RABGAP1L: variants seen among roughly 807,000 people sequenced by gnomAD.
The protein encoded by RABGAP1L is RAB GTPase activating protein 1 like, also known as rab GTPase-activating protein 1-like.
A neutral mutation model predicts 137.7 loss-of-function variants in RABGAP1L; 63 were observed. That is an observed-to-expected ratio of 0.46 (90% CI 0.37 to 0.56). The LOEUF (loss-of-function observed/expected upper bound fraction) is 0.56, where lower values mean the gene tolerates loss of function less well. Among genes scored for constraint, RABGAP1L ranks in the 20% least tolerant of loss-of-function variants. The probability of loss-of-function intolerance (pLI) is 0.00; values close to 1 mark genes in which losing one functional copy is unlikely to be tolerated. For synonymous variants in RABGAP1L, 431 were observed against 433.7 expected, an observed-to-expected ratio of 0.99 and a Z score of 0.08; for missense variants, 1,095 against 1,244.0, an observed-to-expected ratio of 0.88 and a Z score of 1.80.
At chr1:174,744,220 C>G (rs1054539208) in intron 17 of RABGAP1L, among the ~76,000 whole-genome samples, 1 of 151,622 alleles carries the variant, frequency 6.6e-6, no homozygotes, top group Non-Finnish European at 1.5e-5. Context: ...GCACCATTAG[C>G]CAACCTAAAA....
At chr1:174,546,434 A>G (rs1666015161) in intron 13 of RABGAP1L, among the ~76,000 whole-genome samples, 1 of 152,224 alleles carries the variant, frequency 6.6e-6, no homozygotes, top group African/African-American at 2.4e-5. Context: ...GCTCTAGAGA[A>G]TGGCTGTATT....
intron 13 of RABGAP1L, among the ~76,000 whole-genome samples, chr1:174,586,279 A>G (rs918672745): frequency 7.9e-5 from 10 of 126,518 alleles, no homozygotes; most frequent in African/African-American, 2.5e-4. Flanking sequence ...CAGGAACAGA[A>G]AACCAAACAC....
chr1:174,804,281 G>GTTTTTTTTTTTTTTTTTTTTTTTT (rs778667940), intron 18 of RABGAP1L, among the ~76,000 whole-genome samples: 1 of 139,288 alleles, frequency 7.2e-6, no homozygotes, highest in Non-Finnish European at 1.6e-5. Context: ...TTTGTTTTTT[G>GTTTTTTTTTTTTTTTTTTTTTTTT]TTTTTTTTTT....
chr1:174,607,068 A>C (rs1257616780), intron 13 of RABGAP1L, among the ~76,000 whole-genome samples: 1 of 152,090 alleles, frequency 6.6e-6, no homozygotes, highest in Non-Finnish European at 1.5e-5. Flanking sequence ...CAAGACACCC[A>C]CTTACATTTT....
chr1:174,936,886 T>C (rs1664881551), intron 19 of RABGAP1L, among the ~76,000 whole-genome samples: 1 of 151,944 alleles, frequency 6.6e-6, no homozygotes, highest in South Asian at 2.1e-4. Flanking sequence ...ATAAGTGACA[T>C]TTGAAAAAAT....
intron 11 of RABGAP1L, among the ~76,000 whole-genome samples, chr1:174,311,403 A>C (rs1233783969): frequency 1.3e-5 from 2 of 152,138 alleles, no homozygotes; most frequent in African/African-American, 4.8e-5. Context: ...TGGGGACTAC[A>C]ATTCAAGATG....
intron 11 of RABGAP1L, among the ~76,000 whole-genome samples, chr1:174,318,304 T>C (rs1027693410): frequency 6.6e-6 from 1 of 152,184 alleles, no homozygotes; most frequent in African/African-American, 2.4e-5. Context: ...TAGCTACTCC[T>C]GCTCTGCTTT....
In RABGAP1L at chr1:174,642,558, A is replaced by G. The variant is rs150631434; in HGVS notation, c.1824+5070A>G. Among the ~76,000 whole-genome samples the G allele has an allele frequency of 3.6e-3, 546 of 152,242 alleles. 5 individuals carry two copies. The highest frequency in any genetic ancestry group is 0.011 in the African/African-American group (468 of 41,536). On this transcript the variant is annotated intron_variant, in intron 14 of 25. Transcript: ENST00000681986. The stretch of plus-strand genomic sequence containing the variant: ...AATACAATTTTCTAGCCATTTGACT[A>G]CTTTTAATTCAACTCTTTCTTGATG...
chr1:174,339,442 A>G (rs964809450), intron 11 of RABGAP1L, among the ~76,000 whole-genome samples: 1 of 152,216 alleles, frequency 6.6e-6, no homozygotes, highest in African/African-American at 2.4e-5. Context: ...ATAACTGTAC[A>G]GTTGGGTATT....
chr1:174,379,078 T>A (rs1228564560), intron 12 of RABGAP1L, among the ~76,000 whole-genome samples: 1 of 142,836 alleles, frequency 7.0e-6, no homozygotes, highest in Non-Finnish European at 1.5e-5. Context: ...CTCAGGTTTG[T>A]CAAAGATCAG....
At chr1:174,608,691 A>G (rs1670965288) in intron 13 of RABGAP1L, among the ~76,000 whole-genome samples, 1 of 152,048 alleles carries the variant, frequency 6.6e-6, no homozygotes, top group African/African-American at 2.4e-5. Context: ...CTTTTTTTCT[A>G]TTTGAGGGTA....
At chr1:174,272,571 G>C in intron 8 of RABGAP1L, 91 bp downstream of exon 8, 2 of 1,386,280 alleles carry the variant, frequency 1.4e-6, no homozygotes, top group Non-Finnish European at 1.9e-6. Context: ...TTGTCATATT[G>C]TCAAAATTAT....
chr1:174,327,922 G>C (rs76358862), intron 11 of RABGAP1L, among the ~76,000 whole-genome samples: 10,166 of 141,318 alleles, frequency 0.072, 554 homozygotes, highest in East Asian at 0.32. Flanking sequence ...TAATGTTAAA[G>C]GGGACAGTAG....
At chr1:174,403,365 G>A (rs1648876382) in intron 13 of RABGAP1L, among the ~76,000 whole-genome samples, 1 of 151,406 alleles carries the variant, frequency 6.6e-6, no homozygotes, top group Admixed American at 6.6e-5. Context: ...ATAGTGCACT[G>A]CAGTTCATTC....
intron 13 of RABGAP1L, among the ~76,000 whole-genome samples, chr1:174,598,918 A>G (rs765166726): frequency 2.0e-5 from 3 of 152,026 alleles, no homozygotes; most frequent in Non-Finnish European, 2.9e-5. Context: ...ATTGTTATTG[A>G]TAAACTAAGG....
chr1:174,642,165 GAA>G (rs746588662), intron 14 of RABGAP1L, among the ~76,000 whole-genome samples: 2 of 151,930 alleles, frequency 1.3e-5, no homozygotes, highest in African/African-American at 2.4e-5. Context: ...AATGCTCTCT[GAA>G]AAAAGAGGAT....
chr1:174,430,420 G>GT (rs763044796), intron 13 of RABGAP1L, among the ~76,000 whole-genome samples: 41 of 151,690 alleles, frequency 2.7e-4, no homozygotes, highest in Non-Finnish European at 5.6e-4. Flanking sequence ...TCATGATTTT[G>GT]TTTTTTCTGT....
chr1:174,634,863 TCA>T (rs1673811257), intron 13 of RABGAP1L, among the ~76,000 whole-genome samples: 1 of 129,070 alleles, frequency 7.7e-6, no homozygotes, highest in Non-Finnish European at 1.6e-5. Context: ...AAGGGGAATA[TCA>T]CACTCTGGGG....
chr1:174,749,000 A>G (rs900515611), intron 17 of RABGAP1L, among the ~76,000 whole-genome samples: 1 of 151,968 alleles, frequency 6.6e-6, no homozygotes, highest in Non-Finnish European at 1.5e-5. Flanking sequence ...AAAATGGTGA[A>G]ACCCCGCCTC....
Sources: gnomAD v4.1 joint callset for allele counts (sites outside exome capture counted in the v4.1 genomes callset) on GRCh38, gnomAD v4.1.1 for gene constraint, MANE v1.5 for transcripts, NCBI Gene and HGNC (gene_info 2026-07-23, HGNC 2026-07-21) for gene names.